SLAIN2: variants seen among roughly 807,000 people sequenced by gnomAD.
SLAIN2 encodes SLAIN family member 2, also known as SLAIN motif-containing protein 2.
A neutral mutation model predicts 56.6 loss-of-function variants in SLAIN2; 31 were observed. The observed-to-expected ratio is 0.55, with a 90% CI of 0.41 to 0.74. The LOEUF is 0.74. SLAIN2 is among the 30% of genes least tolerant of loss of function. The probability of loss-of-function intolerance (pLI) is 0.00; values close to 1 mark genes in which losing one functional copy is unlikely to be tolerated. For missense variants in SLAIN2, 777 were observed against 754.2 expected, an observed-to-expected ratio of 1.03 and a Z score of -0.35; for synonymous variants, 317 against 284.9, an observed-to-expected ratio of 1.11 and a Z score of -1.13.
At chr4:48,410,897 C>T (rs551414777) in intron 6 of SLAIN2, among the ~76,000 whole-genome samples, 73 of 152,236 alleles carry the variant, frequency 4.8e-4, no homozygotes, top group Admixed American at 2.5e-3. Flanking sequence ...CAGACAGGGT[C>T]GACAAAGTTG....
At chr4:48,378,421 C>T (rs1437776251) in intron 3 of SLAIN2, among the ~76,000 whole-genome samples, 1 of 152,152 alleles carries the variant, frequency 6.6e-6, no homozygotes, top group South Asian at 2.1e-4. Flanking sequence ...TTTTAATAAA[C>T]TTTGATACTG....
chr4:48,402,710 A>G (rs1211762955), intron 6 of SLAIN2, among the ~76,000 whole-genome samples: 1 of 151,902 alleles, frequency 6.6e-6, no homozygotes, highest in Non-Finnish European at 1.5e-5. Flanking sequence ...AAAGTTCAGA[A>G]CCCTACTTCT....
chr4:48,377,194 A>T (rs1333668560), intron 2 of SLAIN2, among the ~76,000 whole-genome samples: 3 of 149,402 alleles, frequency 2.0e-5, no homozygotes, highest in East Asian at 4.0e-4. Flanking sequence ...ATATATATAT[A>T]TTTTTTCGAG....
chr4:48,397,403 TTAA>T (rs1195850081), intron 6 of SLAIN2, among the ~76,000 whole-genome samples: 32 of 152,278 alleles, frequency 2.1e-4, no homozygotes, highest in African/African-American at 7.5e-4. Context: ...TAAGAAGGAA[TTAA>T]TGATGGTAAT....
chr4:48,358,739 A>G (rs1353805257), intron 1 of SLAIN2, among the ~76,000 whole-genome samples: 1 of 146,860 alleles, frequency 6.8e-6, no homozygotes, highest in Non-Finnish European at 1.5e-5. Flanking sequence ...TTTTTTTTTG[A>G]GATGGAGTTT....
At chr4:48,349,071 A>G (rs894677245) in intron 1 of SLAIN2, among the ~76,000 whole-genome samples, 4 of 152,118 alleles carry the variant, frequency 2.6e-5, no homozygotes, top group Non-Finnish European at 5.9e-5. Flanking sequence ...CTTATTCTTC[A>G]GGCACAATGC....
intron 1 of SLAIN2, among the ~76,000 whole-genome samples, chr4:48,363,552 G>A (rs1371151839): frequency 1.1e-5 from 1 of 88,846 alleles, no homozygotes; most frequent in Non-Finnish European, 2.5e-5. Context: ...CAGACGGGGC[G>A]GCTGGCCGGG....
chr4:48,370,133 G>T, intron 2 of SLAIN2, 136 bp downstream of exon 2: 1 of 850,022 alleles, frequency 1.2e-6, no homozygotes, highest in Non-Finnish European at 1.7e-6. Flanking sequence ...CATCATGAGA[G>T]TTTTTCCCAT....
At chr4:48,418,219 T>G (rs1011109790) in intron 6 of SLAIN2, among the ~76,000 whole-genome samples, 1 of 151,930 alleles carries the variant, frequency 6.6e-6, no homozygotes, top group African/African-American at 2.4e-5. Flanking sequence ...GGTAAGAGCG[T>G]ATGTTCTTGT....
intron 6 of SLAIN2, chr4:48,394,733 G>A: frequency 4.5e-6 from 5 of 1,110,776 alleles, no homozygotes; most frequent in Admixed American, 2.3e-5. Flanking sequence ...TACTGAGTCA[G>A]TGGTGTCTGT....
intron 1 of SLAIN2, among the ~76,000 whole-genome samples, chr4:48,346,861 A>G (rs1162394906): frequency 7.1e-6 from 1 of 141,094 alleles, no homozygotes; most frequent in African/African-American, 2.7e-5. Context: ...TTTTTAAGAG[A>G]CAGGGTCTTC....
chr4:48,368,850 T>C (rs1715594076), intron 1 of SLAIN2, among the ~76,000 whole-genome samples: 1 of 152,192 alleles, frequency 6.6e-6, no homozygotes, highest in Non-Finnish European at 1.5e-5. Flanking sequence ...ACCTAAGTTA[T>C]AGATGGGGAA....
At chr4:48,372,033 T>TATACAC (rs1360111749) in intron 2 of SLAIN2, among the ~76,000 whole-genome samples, 2 of 137,726 alleles carry the variant, frequency 1.5e-5, no homozygotes, top group African/African-American at 6.2e-5. Flanking sequence ...TACACATATA[T>TATACAC]ATACATATAC....
In SLAIN2 at chr4:48,422,389, C is replaced by T; in HGVS notation, c.*312C>T. The T allele has an allele frequency of 4.3e-6, 1 of 232,146 alleles. No homozygotes were observed. 14.4% of individuals were successfully genotyped at this position (232,146 alleles called of 1,614,324 possible). ...TATCTGGGCAAATACCTAATGGATGCCAAAGAGAAATGCCCATTTGTAAAT... is the reference window on the plus strand; with the variant it reads ...TATCTGGGCAAATACCTAATGGATGTCAAAGAGAAATGCCCATTTGTAAAT... On this transcript the variant is annotated 3_prime_UTR_variant, in exon 8 of 8. Transcript: ENST00000264313.
intron 1 of SLAIN2, among the ~76,000 whole-genome samples, chr4:48,354,597 G>T (rs1258185280): frequency 6.6e-6 from 1 of 151,814 alleles, no homozygotes; most frequent in Non-Finnish European, 1.5e-5. Context: ...CTCCCGAGTA[G>T]CTGGGATTAC....
intron 1 of SLAIN2, among the ~76,000 whole-genome samples, chr4:48,346,557 C>A (rs1201211839): frequency 6.6e-6 from 1 of 152,134 alleles, no homozygotes; most frequent in African/African-American, 2.4e-5. Flanking sequence ...ATTGTATGAC[C>A]TCTTTGTTTA....
At chr4:48,408,994 A>G (rs1301077423) in intron 6 of SLAIN2, among the ~76,000 whole-genome samples, 1 of 152,166 alleles carries the variant, frequency 6.6e-6, no homozygotes, top group African/African-American at 2.4e-5. Context: ...TACAGTATTC[A>G]GTACAGTAGC....
intron 1 of SLAIN2, among the ~76,000 whole-genome samples, chr4:48,362,538 C>T (rs1715355950): frequency 6.6e-6 from 1 of 150,442 alleles, no homozygotes; most frequent in South Asian, 2.1e-4. Context: ...CCTGCCTCAG[C>T]CTCCCAAGTA....
chr4:48,411,840 T>C (rs1183795406), intron 6 of SLAIN2, among the ~76,000 whole-genome samples: 3 of 152,226 alleles, frequency 2.0e-5, no homozygotes, highest in Admixed American at 6.5e-5. Context: ...TGCTTCCTTC[T>C]GCACAGATAC....
Sources: gnomAD v4.1 joint callset for allele counts (sites outside exome capture counted in the v4.1 genomes callset) on GRCh38, gnomAD v4.1.1 for gene constraint, MANE v1.5 for transcripts, NCBI Gene and HGNC (gene_info 2026-07-23, HGNC 2026-07-21) for gene names.